Variants in ASCC3 observed in about 807,000 individuals in gnomAD.
ASCC3 encodes activating signal cointegrator 1 complex subunit 3, also known as ASC-1 complex subunit P200.
ASCC3 carries 158 observed loss-of-function variants against 256.3 expected under a neutral mutation model. The observed-to-expected ratio is 0.62, with a 90% confidence interval of 0.54 to 0.70. ASCC3 has a LOEUF of 0.70. ASCC3 is among the 30% of genes least tolerant of loss of function. ASCC3 has a pLI of 0.00. For synonymous variants in ASCC3, 948 were observed against 883.4 expected (o/e 1.07, Z -1.30); for missense variants, 2,259 against 2,626.0 (o/e 0.86, Z 3.05).
chr6:100,566,543 G>A (rs75712682), intron 36 of ASCC3, among the ~76,000 whole-genome samples: 1 of 152,110 alleles, frequency 6.6e-6, no homozygotes, highest in African/African-American at 2.4e-5. Flanking sequence ...TATTACTTCA[G>A]TATCCCACTA....
intron 8 of ASCC3, among the ~76,000 whole-genome samples, chr6:100,786,682 T>A (rs1037226132): frequency 2.0e-5 from 3 of 152,180 alleles, no homozygotes; most frequent in Non-Finnish European, 4.4e-5. Flanking sequence ...AGAGACTCTT[T>A]AGCTTCAGTT....
intron 24 of ASCC3, 48 bp downstream of exon 24, chr6:100,642,533 A>C (rs973711230): frequency 4.4e-5 from 71 of 1,597,532 alleles, no homozygotes; most frequent in East Asian, 1.1e-4. Context: ...TAATTAAAAC[A>C]ACCATTTTGG....
At chr6:100,642,069 C>T (rs968096951) in intron 24 of ASCC3, among the ~76,000 whole-genome samples, 16 of 150,908 alleles carry the variant, frequency 1.1e-4, no homozygotes, top group South Asian at 2.1e-4. Context: ...TGTTAAATGA[C>T]GAGTTAATAG....
intron 24 of ASCC3, 133 bp from the exon 25 acceptor site, chr6:100,638,954 C>A (rs748733028): frequency 1.4e-5 from 10 of 740,462 alleles, no homozygotes; most frequent in Non-Finnish European, 2.3e-5. Flanking sequence ...CTCTTATATA[C>A]CCATTACAGA....
intron 36 of ASCC3, among the ~76,000 whole-genome samples, chr6:100,569,949 T>C (rs1011717830): frequency 6.6e-6 from 1 of 152,208 alleles, no homozygotes; most frequent in Admixed American, 6.5e-5. Flanking sequence ...GTGTTATCTA[T>C]GTTATCTTTT....
At chr6:100,821,344 T>C (rs1753998485) in intron 4 of ASCC3, among the ~76,000 whole-genome samples, 1 of 152,158 alleles carries the variant, frequency 6.6e-6, no homozygotes, top group Non-Finnish European at 1.5e-5. Context: ...AATCACTATA[T>C]GGCCCAATAA....
At chr6:100,827,211 A>G (rs1200815470) in intron 4 of ASCC3, among the ~76,000 whole-genome samples, 3 of 152,214 alleles carry the variant, frequency 2.0e-5, no homozygotes, top group Non-Finnish European at 2.9e-5. Context: ...TGTGTTTTAC[A>G]TTCTACAAGT....
Position 100,625,182 on chromosome 6 carries a change from T to C in ASCC3, c.4785+10A>G, listed in dbSNP as rs898848577. On this transcript the variant is annotated intron_variant, in intron 30 of 41. Transcript: ENST00000369162. ...CGTGTAAGTAGTAGAAGATAAAATA[T>C]GTTGCTTACCTCTCTTTCATCCATG... 10 of 1,612,024 alleles carry C rather than the reference T, an allele frequency of 6.2e-6. No individual in the cohort carries two copies. The highest frequency in any genetic ancestry group is 4.0e-5 in the African/African-American group (3 of 74,824).
intron 36 of ASCC3, among the ~76,000 whole-genome samples, chr6:100,547,371 G>A (rs1769025499): frequency 1.3e-5 from 2 of 151,870 alleles, no homozygotes; most frequent in South Asian, 4.2e-4. Context: ...AAAATGATCA[G>A]CTGAACATCA....
At chr6:100,525,062 C>T (rs534684320) in intron 37 of ASCC3, among the ~76,000 whole-genome samples, 24 of 140,250 alleles carry the variant, frequency 1.7e-4, no homozygotes, top group African/African-American at 5.8e-4. Flanking sequence ...GCCTGTGGTC[C>T]TAGTTACTTG....
At chr6:100,821,756 G>A (rs1292303112) in intron 4 of ASCC3, among the ~76,000 whole-genome samples, 6 of 151,966 alleles carry the variant, frequency 3.9e-5, no homozygotes, top group Non-Finnish European at 5.9e-5. Context: ...CCCAGGAGGC[G>A]GAGGTTGTAG....
At chr6:100,592,845 G>A (rs1772076564) in intron 34 of ASCC3, among the ~76,000 whole-genome samples, 1 of 151,968 alleles carries the variant, frequency 6.6e-6, no homozygotes, top group Admixed American at 6.6e-5. Context: ...TAATTTACTG[G>A]TTATTTAAAC....
intron 3 of ASCC3, among the ~76,000 whole-genome samples, chr6:100,860,734 A>G (rs944259027): frequency 1.3e-5 from 2 of 152,080 alleles, no homozygotes; most frequent in Non-Finnish European, 2.9e-5. Context: ...ATAAGTATGT[A>G]TAACAGGACA....
intron 34 of ASCC3, among the ~76,000 whole-genome samples, chr6:100,593,604 T>A (rs927952196): frequency 6.6e-6 from 1 of 152,126 alleles, no homozygotes; most frequent in African/African-American, 2.4e-5. Flanking sequence ...TCCTGTTTGG[T>A]TTATGTAAAC....
At chr6:100,661,276 T>C (rs1300643688) in intron 16 of ASCC3, among the ~76,000 whole-genome samples, 3 of 150,402 alleles carry the variant, frequency 2.0e-5, no homozygotes, top group African/African-American at 4.9e-5. Flanking sequence ...CCAGTTAAGA[T>C]GTTACCTAGG....
At chr6:100,835,942 T>A (rs1205429782) in intron 4 of ASCC3, among the ~76,000 whole-genome samples, 1 of 152,124 alleles carries the variant, frequency 6.6e-6, no homozygotes, top group East Asian at 1.9e-4. Flanking sequence ...GTTTTATATG[T>A]TTTCAATGTA....
rs1777525368 is a variant in ASCC3 at position 100,685,385 on chromosome 6, T to C, written c.2152-5633A>G. 2.0e-5 allele frequency among the ~76,000 whole-genome samples: 3 copies of C among 152,244 alleles called. No individual in the cohort carries two copies. In the South Asian group the frequency reaches 6.2e-4, roughly 32 times the overall value. ...TCTCGACTTTCTTAACCCAGGCTCT[T>C]CAAGAGAATTAAGCCCTAAAGACCT... On this transcript the variant is annotated intron_variant, in intron 13 of 41. Transcript: ENST00000369162.
At chr6:100,565,064 A>G (rs1366868187) in intron 36 of ASCC3, among the ~76,000 whole-genome samples, 10 of 152,218 alleles carry the variant, frequency 6.6e-5, no homozygotes, top group Non-Finnish European at 1.5e-4. Flanking sequence ...TTATTCAGGA[A>G]GATAAATACT....
intron 20 of ASCC3, among the ~76,000 whole-genome samples, chr6:100,649,833 T>C (rs139970977): frequency 2.0e-5 from 3 of 151,752 alleles, no homozygotes; most frequent in Non-Finnish European, 3.0e-5. Context: ...AAAAAGTATG[T>C]CTAGAAGGGA....
Sources: gnomAD v4.1 joint callset for allele counts (sites outside exome capture counted in the v4.1 genomes callset) on GRCh38, gnomAD v4.1.1 for gene constraint, MANE v1.5 for transcripts, NCBI Gene and HGNC (gene_info 2026-07-23, HGNC 2026-07-21) for gene names.